The following KAT2B variants were observed in gnomAD, a reference collection of about 807,000 sequenced individuals.
The protein encoded by KAT2B is histone acetyltransferase KAT2B.
Under a neutral mutation model 105.9 loss-of-function variants are expected in KAT2B, and 36 were observed. The observed-to-expected ratio is 0.34, with a 90% CI of 0.26 to 0.45. The LOEUF (loss-of-function observed/expected upper bound fraction) is 0.45, where lower values mean the gene tolerates loss of function less well. Among genes scored for constraint, KAT2B ranks in the 20% least tolerant of loss-of-function variants. The pLI, the probability that KAT2B is intolerant of heterozygous loss-of-function variation, is 1.00. For synonymous variants in KAT2B, 397 were observed against 377.9 expected (o/e 1.05, Z -0.59); for missense variants, 820 against 1,021.6 (o/e 0.80, Z 2.69).
At chr3:20,120,734 A>T (rs1301003392) in intron 8 of KAT2B, among the ~76,000 whole-genome samples, 1 of 152,188 alleles carries the variant, frequency 6.6e-6, no homozygotes, top group East Asian at 1.9e-4. Flanking sequence ...GCCTAGAAGC[A>T]TTTCACAGTT....
At chr3:20,132,986 C>G (rs2125185384) in intron 11 of KAT2B, among the ~76,000 whole-genome samples, 1 of 152,338 alleles carries the variant, frequency 6.6e-6, no homozygotes, top group South Asian at 2.1e-4. Context: ...TGTGCACATG[C>G]AATTCACTCC....
chr3:20,048,440 T>C (rs1475675519), intron 1 of KAT2B, among the ~76,000 whole-genome samples: 5 of 152,326 alleles, frequency 3.3e-5, no homozygotes, highest in African/African-American at 9.6e-5. Context: ...TTTTGTTTTG[T>C]TTTTAAAAAT....
intron 13 of KAT2B, among the ~76,000 whole-genome samples, chr3:20,145,554 GTTT>G (rs550166293): frequency 0.025 from 2,304 of 92,160 alleles, 11 homozygotes; most frequent in Admixed American, 0.057. Context: ...GATTTTTTTA[GTTT>G]TTTTTTTTTT....
intron 1 of KAT2B, among the ~76,000 whole-genome samples, chr3:20,047,209 G>A (rs1445072675): frequency 6.6e-6 from 1 of 151,372 alleles, no homozygotes; most frequent in African/African-American, 2.4e-5. Flanking sequence ...CCAGGCGCAC[G>A]TCACCATGGC....
chr3:20,119,511 G>A, intron 7 of KAT2B, 87 bp from the exon 8 acceptor site: 2 of 1,410,420 alleles, frequency 1.4e-6, no homozygotes, highest in Non-Finnish European at 2.0e-6. Flanking sequence ...TTGGGCAGGA[G>A]TGGGGTGGTC....
rs562938842 is a variant in KAT2B at position 20,084,390 on chromosome 3, G to T, written c.431-10873G>T. ...CAGACCTGCGTTTATTTCATTCTCA[G>T]AGTAAGAGCTATCCTCTTCTGCTAT... is the stretch of plus-strand genomic sequence containing the variant. On this transcript the variant is annotated intron_variant, in intron 2 of 17. Transcript: ENST00000263754. 1.8e-3 allele frequency among the ~76,000 whole-genome samples: 274 copies of T among 152,154 alleles called. 3 individuals are homozygous for T. The highest frequency in any genetic ancestry group is 6.4e-3 in the African/African-American group (266 of 41,488).
At chr3:20,084,285 C>T (rs1301337826) in intron 2 of KAT2B, among the ~76,000 whole-genome samples, 2 of 152,136 alleles carry the variant, frequency 1.3e-5, no homozygotes, top group African/African-American at 4.8e-5. Flanking sequence ...ATTTGATCTT[C>T]CTCCACCTCA....
chr3:20,106,846 C>A (rs985114701), intron 5 of KAT2B, among the ~76,000 whole-genome samples: 1 of 150,200 alleles, frequency 6.7e-6, no homozygotes. Context: ...TAAATCAGCA[C>A]TGTCCAGTAG....
intron 1 of KAT2B, among the ~76,000 whole-genome samples, chr3:20,067,676 T>A (rs1173132325): frequency 7.2e-5 from 11 of 152,148 alleles, no homozygotes; most frequent in Non-Finnish European, 1.6e-4. Flanking sequence ...TATTTTTTTA[T>A]ATTTTTTTAA....
intron 11 of KAT2B, among the ~76,000 whole-genome samples, chr3:20,136,549 T>G (rs952134211): frequency 2.6e-5 from 4 of 152,146 alleles, no homozygotes; most frequent in African/African-American, 9.6e-5. Context: ...TTTTTTTTTC[T>G]TCTGAGATTC....
chr3:20,095,498 G>T, intron 3 of KAT2B, 90 bp downstream of exon 3: 1 of 803,248 alleles, frequency 1.2e-6, no homozygotes, highest in Non-Finnish European at 2.0e-6. Context: ...AAGGCTTTCA[G>T]CTCCTGGTAC....
intron 1 of KAT2B, among the ~76,000 whole-genome samples, chr3:20,071,205 T>C (rs1025799827): frequency 2.6e-5 from 4 of 152,234 alleles, no homozygotes; most frequent in African/African-American, 9.6e-5. Context: ...ATTTTGCAAC[T>C]ACAGTGCACT....
chr3:20,144,295 T>C (rs1276369401), intron 13 of KAT2B, among the ~76,000 whole-genome samples: 5 of 88,740 alleles, frequency 5.6e-5, no homozygotes, highest in Non-Finnish European at 1.1e-4. Flanking sequence ...TTTTTTTTTT[T>C]TTTTTTTTTT....
At chr3:20,073,661 G>C (rs1698366096) in intron 2 of KAT2B, among the ~76,000 whole-genome samples, 1 of 152,166 alleles carries the variant, frequency 6.6e-6, no homozygotes, top group Admixed American at 6.5e-5. Flanking sequence ...ACTCAATACA[G>C]AGCAAAAATT....
intron 1 of KAT2B, among the ~76,000 whole-genome samples, chr3:20,070,693 C>T (rs1698306523): frequency 6.6e-6 from 1 of 151,798 alleles, no homozygotes; most frequent in African/African-American, 2.4e-5. Flanking sequence ...AAGCAGCAGC[C>T]ACTCTGACAA....
At chr3:20,119,765 C>A in intron 8 of KAT2B, 42 bp downstream of exon 8, 1 of 1,607,886 alleles carries the variant, frequency 6.2e-7, no homozygotes, top group South Asian at 1.1e-5. Context: ...GTGACTTGCT[C>A]CAGGAGCTCC....
At chr3:20,130,990 TCTTC>T (rs199845091) in intron 11 of KAT2B, among the ~76,000 whole-genome samples, 5,965 of 149,294 alleles carry the variant, frequency 0.04, 173 homozygotes, top group South Asian at 0.07. Context: ...GAGAAACAGT[TCTTC>T]CTTTAGTTTC....
At chr3:20,125,853 C>T in intron 9 of KAT2B, 52 bp from the exon 10 acceptor site, 4 of 1,445,492 alleles carry the variant, frequency 2.8e-6, no homozygotes, top group South Asian at 1.1e-5. Flanking sequence ...CCCATCCCCA[C>T]TGTCTTGAGA....
In KAT2B at chr3:20,103,418, A is replaced by T. The variant is rs7647172; in HGVS notation, c.851+1950A>T. 2.4e-3 allele frequency among the ~76,000 whole-genome samples: 357 copies of T among 151,290 alleles called. 3 individuals carry two copies. The highest frequency in any genetic ancestry group is 8.1e-3 in the African/African-American group (332 of 41,020). On this transcript the variant is annotated intron_variant, in intron 5 of 17. Transcript: ENST00000263754. The stretch of plus-strand genomic sequence containing the variant: ...TATATTTTGTTTTATTTTTATTTTT[A>T]TTTTTTTTAGAGATGGTGTCTTATT...
Sources: allele counts gnomAD v4.1 joint callset (sites outside exome capture counted in the v4.1 genomes callset), GRCh38; gene constraint gnomAD v4.1.1; transcripts MANE v1.5; gene names NCBI Gene and HGNC (gene_info 2026-07-23, HGNC 2026-07-21).